The following TTC7A variants were observed in gnomAD, a reference collection of about 807,000 sequenced individuals.
TTC7A encodes the protein tetratricopeptide repeat protein 7A.
A neutral mutation model predicts 103.7 loss-of-function variants in TTC7A; 110 were observed. The observed-to-expected ratio is 1.06, with a 90% CI of 0.91 to 1.24. The LOEUF is 1.24. Ranked by LOEUF, TTC7A falls within the 50% of genes most tolerant of loss-of-function variation. The pLI, the probability that TTC7A is intolerant of heterozygous loss-of-function variation, is 0.00. For missense variants in TTC7A, 1,340 were observed against 1,116.3 expected (o/e 1.20, Z -2.86); for synonymous variants, 521 against 467.9 (o/e 1.11, Z -1.47).
At chr2:46,957,133 G>C in intron 3 of TTC7A, 126 bp downstream of exon 3, 11 of 1,220,512 alleles carry the variant, frequency 9.0e-6, no homozygotes, top group Non-Finnish European at 1.3e-5. Flanking sequence ...CCTGGCACTG[G>C]TGTCTAAGGT....
chr2:47,017,826 G>A (rs1678835629), intron 11 of TTC7A, among the ~76,000 whole-genome samples: 1 of 152,118 alleles, frequency 6.6e-6, no homozygotes, highest in Non-Finnish European at 1.5e-5. Flanking sequence ...TTGTCATGTA[G>A]CTATGAGGAA....
intron 11 of TTC7A, among the ~76,000 whole-genome samples, chr2:47,019,812 G>A (rs1420334115): frequency 6.6e-6 from 1 of 152,168 alleles, no homozygotes; most frequent in East Asian, 1.9e-4. Context: ...CTTGTGCTTG[G>A]TGTTTGTAAG....
chr2:46,959,640 C>T (rs1265493586), intron 3 of TTC7A, among the ~76,000 whole-genome samples: 2 of 152,220 alleles, frequency 1.3e-5, no homozygotes, highest in Non-Finnish European at 2.9e-5. Context: ...TCCCCTCACC[C>T]TCTTTCCCCA....
At chr2:46,940,733 G>A (rs544292989), upstream of TTC7A, among the ~76,000 whole-genome samples, 2 of 152,288 alleles carry the variant, frequency 1.3e-5, no homozygotes, top group African/African-American at 2.4e-5. The surrounding 1 kb of genome is among the most constrained non-coding windows in gnomAD (Gnocchi z 4.7). Flanking sequence ...CCAGAGAGTC[G>A]CGGGCCTGGG....
chr2:47,073,430 T>C (rs945793642), intron 19 of TTC7A, among the ~76,000 whole-genome samples: 1 of 152,168 alleles, frequency 6.6e-6, no homozygotes, highest in African/African-American at 2.4e-5. Flanking sequence ...CAGCCAGGTC[T>C]GTTGACTTGA....
intron 5 of TTC7A, among the ~76,000 whole-genome samples, chr2:46,989,274 T>C (rs1193894314): frequency 6.6e-6 from 1 of 152,252 alleles, no homozygotes; most frequent in Non-Finnish European, 1.5e-5. Context: ...AGGCTGTTTC[T>C]GGGCCAGGGT....
chr2:46,916,222 A>C, exon 1 of TTC7A: 1 of 939,966 alleles, frequency 1.1e-6, no homozygotes, highest in Non-Finnish European at 1.3e-6. Context: ...AAGAAAGATA[A>C]TAGGAATGCT....
At chr2:46,935,413 C>CA (rs1286895117) in intron 2 of TTC7A, among the ~76,000 whole-genome samples, 2 of 151,358 alleles carry the variant, frequency 1.3e-5, no homozygotes, top group Non-Finnish European at 2.9e-5. Flanking sequence ...TGAGCTTAAG[C>CA]AAAAAAAATA....
chr2:46,944,292 G>A (rs1242768657), intron 1 of TTC7A, among the ~76,000 whole-genome samples: 4 of 151,226 alleles, frequency 2.6e-5, no homozygotes, highest in African/African-American at 4.9e-5. Context: ...ACGAAGTCTC[G>A]TCTGAGCTAT....
At position 47,006,695 on chromosome 2, in the gene TTC7A, G is replaced by A. The variant is rs759758834; in HGVS notation, c.1258G>A (p.Val420Met). ...AFGEFHLWYQ[V>M]ALSMVACGKS... ...TGGAGAATTTCACCTTTGGTACCAG[G>A]TGGCCCTCTCCATGGTGGCTTGTGG... The change falls in exon 10 of 20, where the codon GTG (valine) becomes ATG (methionine). Residue 420 changes from valine to methionine, a missense_variant. By Grantham distance (21) the Val-to-Met change is conservative. Coordinates refer to ENST00000319190, the MANE Select transcript of TTC7A (RefSeq NM_020458.4). 2 of 1,614,080 alleles carry A rather than the reference G, an allele frequency of 1.2e-6. No homozygotes were observed. Among genetic ancestry groups the A allele is most frequent in the East Asian group, 2.2e-5 (1 of 44,898 alleles).
Position 46,925,691 on chromosome 2 carries a change from A to G in TTC7A, c.82+8414A>G, listed in dbSNP as rs532019734. Among the ~76,000 whole-genome samples the G allele has an allele frequency of 2.6e-5, 4 of 152,294 alleles. No homozygotes were observed. The East Asian group carries it at 7.7e-4, about 29-fold the overall frequency. On this transcript the variant is annotated intron_variant, in intron 2 of 20. Transcript: ENST00000409245. ...GACTTCTCCCCTGCCACCTCCCCCA[A>G]AAAAACCCATGTTTATTTTTCATTT...
At chr2:46,920,484 C>G (rs1669045997) in intron 2 of TTC7A, among the ~76,000 whole-genome samples, 1 of 151,990 alleles carries the variant, frequency 6.6e-6, no homozygotes, top group Non-Finnish European at 1.5e-5. Flanking sequence ...CAACAACCAC[C>G]ACGCCCAGCT....
intron 3 of TTC7A, among the ~76,000 whole-genome samples, chr2:46,968,536 G>T (rs1379887081): frequency 6.6e-6 from 1 of 152,144 alleles, no homozygotes; most frequent in Non-Finnish European, 1.5e-5. Context: ...CAAATACAAG[G>T]TTCCCGGCCC....
At chr2:46,916,124 A>AC, upstream of TTC7A, 1 of 985,310 alleles carries the variant, frequency 1.0e-6, no homozygotes, top group East Asian at 1.1e-4. Context: ...GATGGGGCGG[A>AC]CCCCAAAGCT....
intron 3 of TTC7A, among the ~76,000 whole-genome samples, chr2:46,970,912 C>G (rs1361211913): frequency 1.3e-5 from 2 of 152,258 alleles, no homozygotes; most frequent in African/African-American, 4.8e-5. Flanking sequence ...GCCCGCTTTC[C>G]TCCAGGCCAA....
chr2:47,067,277 G>C (rs942240138), intron 19 of TTC7A, among the ~76,000 whole-genome samples: 1 of 152,240 alleles, frequency 6.6e-6, no homozygotes, highest in African/African-American at 2.4e-5. Context: ...AGCAGTTTTA[G>C]GGCTCAGGTG....
chr2:47,022,987 G>A (rs1679462465), intron 12 of TTC7A, among the ~76,000 whole-genome samples: 1 of 152,226 alleles, frequency 6.6e-6, no homozygotes, highest in Non-Finnish European at 1.5e-5. Context: ...AAGAACACCT[G>A]CCCTGCTGCA....
intron 18 of TTC7A, among the ~76,000 whole-genome samples, chr2:47,052,106 A>G (rs941408654): frequency 2.0e-5 from 3 of 152,160 alleles, no homozygotes; most frequent in African/African-American, 7.2e-5. Context: ...CAAACGTGAG[A>G]GGATTGGAGG....
At chr2:46,972,405 A>T (rs1673447198) in intron 3 of TTC7A, among the ~76,000 whole-genome samples, 1 of 152,216 alleles carries the variant, frequency 6.6e-6, no homozygotes, top group Admixed American at 6.5e-5. Flanking sequence ...TTTGCCATCT[A>T]AACCATTTTT....
Sources: gnomAD v4.1 joint callset for allele counts (sites outside exome capture counted in the v4.1 genomes callset) on GRCh38, gnomAD v4.1.1 for gene constraint, Gnocchi (gnomAD v3.1) non-coding constraint, MANE v1.5 for transcripts, NCBI Gene and HGNC (gene_info 2026-07-23, HGNC 2026-07-21) for gene names.